ADGRL3: variants seen among roughly 807,000 people sequenced by gnomAD.
ADGRL3 encodes calcium-independent alpha-latrotoxin receptor 3.
ADGRL3 carries 62 observed loss-of-function variants against 153.5 expected under a neutral mutation model. The ratio of observed to expected loss-of-function variants is 0.40; its 90% confidence interval spans 0.33 to 0.50. The LOEUF is 0.50. Ranked by LOEUF, ADGRL3 falls within the 20% of genes least tolerant of loss-of-function variation. The pLI, the probability that ADGRL3 is intolerant of heterozygous loss-of-function variation, is 0.47. For synonymous variants in ADGRL3, 710 were observed against 672.5 expected (o/e 1.06, Z -0.86); for missense variants, 1,641 against 1,859.4 (o/e 0.88, Z 2.16).
chr4:61,228,309 T>G (rs1748899135), intron 1 of ADGRL3, among the ~76,000 whole-genome samples: 1 of 152,214 alleles, frequency 6.6e-6, no homozygotes, highest in Non-Finnish European at 1.5e-5. Context: ...TCATTACTAT[T>G]TTAGGAAATC....
intron 1 of ADGRL3, among the ~76,000 whole-genome samples, chr4:61,381,853 A>G (rs1201347754): frequency 1.3e-5 from 2 of 151,936 alleles, no homozygotes; most frequent in Admixed American, 6.6e-5. Context: ...CAAGCAGTCA[A>G]GTGTGGCATT....
At chr4:61,623,920 T>C (rs1336485913) in intron 5 of ADGRL3, among the ~76,000 whole-genome samples, 1 of 151,840 alleles carries the variant, frequency 6.6e-6, no homozygotes. Flanking sequence ...TGCTTGAAGG[T>C]GGAATGGAAC....
At chr4:61,827,587 G>A (rs1177081283) in intron 9 of ADGRL3, among the ~76,000 whole-genome samples, 2 of 152,266 alleles carry the variant, frequency 1.3e-5, no homozygotes, top group Non-Finnish European at 2.9e-5. Context: ...AGAGCAAAGA[G>A]AATTAGTAGG....
rs1177989337 is a variant in ADGRL3, at chr4:61,983,492, A to T, written c.3125A>T (p.Glu1042Val). 3 of 1,613,796 alleles carry T rather than the reference A, an allele frequency of 1.9e-6. No individual in the cohort carries two copies. The highest frequency in any genetic ancestry group is 2.7e-5 in the African/African-American group (2 of 74,912). Reference protein sequence around the residue: ...QLYIMLVEVFESEHSRRKYFY... With the variant: ...QLYIMLVEVFVSEHSRRKYFY... ...TATATCATGCTGGTGGAGGTTTTTGAGAGTGAACATTCACGTAGGAAATAC... is the reference window on the plus strand; with the variant it reads ...TATATCATGCTGGTGGAGGTTTTTGTGAGTGAACATTCACGTAGGAAATAC... Residue 1042 changes from glutamate (E) to valine (V), a missense_variant, in exon 19 of 27, where the codon GAG (glutamate) becomes GTG (valine). By Grantham distance (121) the Glu-to-Val change is moderately radical. Around this residue, in one of 5 missense-constraint regions of ADGRL3, gnomAD observed 734 missense variants for 797.0 expected, o/e 0.92. Coordinates refer to ENST00000683033, the MANE Select transcript of ADGRL3 (RefSeq NM_001387552.1).
At chr4:61,566,150 G>A (rs1358212069) in intron 4 of ADGRL3, among the ~76,000 whole-genome samples, 2 of 151,920 alleles carry the variant, frequency 1.3e-5, no homozygotes, top group African/African-American at 4.8e-5. Context: ...TTATCTCACA[G>A]TTCTGTAATC....
At chr4:61,721,623 C>A (rs1382998938) in intron 6 of ADGRL3, among the ~76,000 whole-genome samples, 1 of 152,188 alleles carries the variant, frequency 6.6e-6, no homozygotes, top group Non-Finnish European at 1.5e-5. Flanking sequence ...AGGAACAATA[C>A]TGTATATTCT....
chr4:61,773,269 A>C (rs2097107147), intron 8 of ADGRL3, among the ~76,000 whole-genome samples: 1 of 152,224 alleles, frequency 6.6e-6, no homozygotes, highest in Non-Finnish European at 1.5e-5. Flanking sequence ...GAAAAGCATT[A>C]TGTGATCAGT....
In ADGRL3 at chr4:61,650,482, G is replaced by T. The variant is rs972407908; in HGVS notation, c.474-26344G>T. The stretch of plus-strand genomic sequence containing the variant: ...TGGCTGAGGTTTCTCCATATTTTTC[G>T]TAATGACATATTGTGAAAACTTAAA... On this transcript the variant is annotated intron_variant, in intron 5 of 26. Coordinates refer to ENST00000683033, the MANE Select transcript of ADGRL3 (RefSeq NM_001387552.1). Among the ~76,000 whole-genome samples the T allele has an allele frequency of 2.6e-5, 4 of 152,056 alleles. No homozygotes were observed. In the East Asian group the frequency reaches 7.7e-4, roughly 29 times the overall value.
intron 4 of ADGRL3, among the ~76,000 whole-genome samples, chr4:61,553,538 G>GT (rs2098750169): frequency 1.3e-5 from 2 of 152,162 alleles, no homozygotes; most frequent in Admixed American, 1.3e-4. Flanking sequence ...CAGCCTCCAA[G>GT]TTATGAGCCA....
intron 17 of ADGRL3, among the ~76,000 whole-genome samples, chr4:61,973,095 A>G (rs1374470225): frequency 1.3e-5 from 2 of 151,974 alleles, no homozygotes; most frequent in Non-Finnish European, 2.9e-5. Flanking sequence ...TAAAATGAAA[A>G]CTATTTTAAG....
At chr4:61,616,155 A>C (rs1273890071) in intron 5 of ADGRL3, among the ~76,000 whole-genome samples, 1 of 152,188 alleles carries the variant, frequency 6.6e-6, no homozygotes, top group Non-Finnish European at 1.5e-5. Context: ...AATTTGAATA[A>C]GTTATTTGAT....
chr4:61,516,508 A>C (rs75790942), intron 3 of ADGRL3, among the ~76,000 whole-genome samples: 2 of 151,152 alleles, frequency 1.3e-5, no homozygotes, highest in East Asian at 3.9e-4. Context: ...TCAATTTATC[A>C]AAAAAAATCC....
At chr4:61,506,629 C>T (rs1341423600) in intron 3 of ADGRL3, among the ~76,000 whole-genome samples, 1 of 152,086 alleles carries the variant, frequency 6.6e-6, no homozygotes, top group Non-Finnish European at 1.5e-5. Flanking sequence ...ATAAAATAAC[C>T]TGTCATCACT....
intron 5 of ADGRL3, among the ~76,000 whole-genome samples, chr4:61,632,756 T>C (rs1469370854): frequency 2.0e-5 from 3 of 152,196 alleles, no homozygotes; most frequent in Non-Finnish European, 2.9e-5. Flanking sequence ...ATATTACCAG[T>C]ATATTATAAT....
intron 1 of ADGRL3, among the ~76,000 whole-genome samples, chr4:61,284,236 CT>C (rs2150039388): frequency 6.6e-6 from 1 of 151,970 alleles, no homozygotes; most frequent in East Asian, 1.9e-4. Context: ...ATACCTTTGA[CT>C]TTGAAGAAGT....
At chr4:61,642,267 G>T (rs1027403148) in intron 5 of ADGRL3, among the ~76,000 whole-genome samples, 3 of 152,022 alleles carry the variant, frequency 2.0e-5, no homozygotes, top group African/African-American at 7.2e-5. Flanking sequence ...AGTTTCTTTT[G>T]CTGTGCAGAA....
chr4:61,232,660 A>G (rs1317384433), intron 1 of ADGRL3, among the ~76,000 whole-genome samples: 1 of 152,122 alleles, frequency 6.6e-6, no homozygotes, highest in Non-Finnish European at 1.5e-5. Context: ...AAGTGGGGTA[A>G]TAATAGCACT....
rs1271273448 is a variant in ADGRL3 at position 61,383,149 on chromosome 4, G to GA, written c.-207dup. The GA allele has an allele frequency of 6.6e-6, 1 of 150,606 alleles. No individual in the cohort carries two copies. The highest frequency in any genetic ancestry group is 1.5e-5 in the Non-Finnish European group (1 of 67,400). 9.3% of individuals were successfully genotyped at this position (150,606 alleles called of 1,614,324 possible). A position where few individuals can be genotyped will look rare whatever the true frequency, so the allele number is the denominator to read the frequency against. Reference sequence around the variant, plus strand: ...AAATGTTTAATTTGGTAAATTGGAGGAAAAAAACATGGATTTTTAGCAATT... The same window carrying GA: ...AAATGTTTAATTTGGTAAATTGGAGGAAAAAAAACATGGATTTTTAGCAATT... On this transcript the variant is annotated 5_prime_UTR_variant, in exon 2 of 27. An upstream open reading frame in the 5' UTR gains an earlier in-frame stop. Coordinates refer to ENST00000683033, the MANE Select transcript of ADGRL3 (RefSeq NM_001387552.1).
At chr4:61,440,132 T>C (rs1305962922) in intron 2 of ADGRL3, among the ~76,000 whole-genome samples, 1 of 152,138 alleles carries the variant, frequency 6.6e-6, no homozygotes, top group Non-Finnish European at 1.5e-5. Context: ...CGCTGCAACC[T>C]CCACCTCCCA....
Sources: allele counts gnomAD v4.1 joint callset (sites outside exome capture counted in the v4.1 genomes callset), GRCh38; gene constraint gnomAD v4.1.1; regional missense constraint gnomAD v4.1.1; transcripts MANE v1.5; gene names NCBI Gene and HGNC (gene_info 2026-07-23, HGNC 2026-07-21).